Variants in TMEM131 observed in about 807,000 individuals in gnomAD.
TMEM131 encodes transmembrane protein 131, also known as 2610524E03Rik.
In TMEM131, 66 loss-of-function variants were observed where a neutral mutation model predicts 211.6. The observed-to-expected ratio is 0.31, with a 90% confidence interval of 0.26 to 0.38. The LOEUF is 0.38. TMEM131 is among the 10% of genes least tolerant of loss of function. The pLI, the probability that TMEM131 is intolerant of heterozygous loss-of-function variation, is 1.00. For missense variants in TMEM131, 2,036 were observed against 2,299.3 expected (o/e 0.89, Z 2.34); for synonymous variants, 844 against 841.3 (o/e 1.00, Z -0.06).
chr2:97,899,903 A>G (rs931682911), intron 3 of TMEM131, among the ~76,000 whole-genome samples: 2 of 151,874 alleles, frequency 1.3e-5, no homozygotes, highest in African/African-American at 4.8e-5. Context: ...CACAAAATCT[A>G]CTCTCTCAGC....
At chr2:97,878,369 T>C (rs1241958649) in intron 4 of TMEM131, among the ~76,000 whole-genome samples, 1 of 152,210 alleles carries the variant, frequency 6.6e-6, no homozygotes, top group Non-Finnish European at 1.5e-5. Flanking sequence ...CAAAGGACTA[T>C]AAATCATTCT....
At chr2:97,900,268 A>T (rs1042227409) in intron 3 of TMEM131, among the ~76,000 whole-genome samples, 1 of 152,142 alleles carries the variant, frequency 6.6e-6, no homozygotes, top group African/African-American at 2.4e-5. Context: ...ATAAAGTCCA[A>T]AAACTGCTAA....
At chr2:97,829,190 C>A (rs921209327) in intron 11 of TMEM131, among the ~76,000 whole-genome samples, 1 of 152,206 alleles carries the variant, frequency 6.6e-6, no homozygotes, top group Non-Finnish European at 1.5e-5. Flanking sequence ...GGGAAGCCAG[C>A]TGGATTTCCT....
intron 1 of TMEM131, among the ~76,000 whole-genome samples, chr2:97,981,204 A>G (rs1316993256): frequency 2.0e-5 from 3 of 152,094 alleles, no homozygotes; most frequent in African/African-American, 7.2e-5. Context: ...AAGGTGCATA[A>G]TGATCCATTA....
chr2:97,938,703 A>C (rs1382820948), intron 1 of TMEM131, among the ~76,000 whole-genome samples: 1 of 152,148 alleles, frequency 6.6e-6, no homozygotes, highest in African/African-American at 2.4e-5. Flanking sequence ...AGAACTCTCC[A>C]CCCCAAATCA....
At chr2:97,869,586 G>A (rs539939128) in intron 4 of TMEM131, among the ~76,000 whole-genome samples, 1 of 152,204 alleles carries the variant, frequency 6.6e-6, no homozygotes, top group Non-Finnish European at 1.5e-5. Flanking sequence ...GTCGTTGCGT[G>A]CTCAAACAGG....
At chr2:97,818,481 G>GGGGCA in intron 12 of TMEM131, 132 bp downstream of exon 12, 1 of 292,100 alleles carries the variant, frequency 3.4e-6, no homozygotes, top group East Asian at 3.8e-5. Context: ...GGCGGGGGGG[G>GGGGCA]ATCAACCTAA....
intron 1 of TMEM131, among the ~76,000 whole-genome samples, chr2:97,958,600 T>C (rs535070606): frequency 1.4e-4 from 21 of 152,314 alleles, no homozygotes; most frequent in African/African-American, 4.8e-4. Flanking sequence ...CTGCATTTTA[T>C]GATACCCACA....
chr2:97,827,551 T>C, intron 11 of TMEM131: 1 of 996,210 alleles, frequency 1.0e-6, no homozygotes, highest in South Asian at 1.3e-5. Flanking sequence ...GTCTGATTAA[T>C]AACCATATAC....
rs928178138 is a variant in TMEM131, at chr2:97,809,806, T to C, written c.1969-32A>G. 6 of 1,518,454 alleles carry C rather than the reference T, an allele frequency of 4.0e-6. No homozygotes were observed. The African/African-American group carries it at 4.1e-5, about 10-fold the overall frequency. The allele number at this position is 1,518,454 out of a possible 1,614,324, so 94.1% of individuals were successfully genotyped here. ...AGTCAAGAAGATGATGATAGATAAGTAGTTAAGACTTAGCCTGATCTTGAT... is the reference window on the plus strand; with the variant it reads ...AGTCAAGAAGATGATGATAGATAAGCAGTTAAGACTTAGCCTGATCTTGAT... On this transcript the variant is annotated intron_variant, in intron 18 of 40. Coordinates refer to ENST00000186436, the MANE Select transcript of TMEM131 (RefSeq NM_015348.2).
intron 1 of TMEM131, among the ~76,000 whole-genome samples, chr2:97,974,134 GTAGA>G (rs1457922751): frequency 6.6e-6 from 1 of 152,160 alleles, no homozygotes; most frequent in Non-Finnish European, 1.5e-5. Flanking sequence ...AAAAAGTTAA[GTAGA>G]GAGATGGAAG....
chr2:97,927,561 GTTAA>G (rs1480442378), intron 1 of TMEM131, 74 bp from the exon 2 acceptor site: 16 of 1,215,560 alleles, frequency 1.3e-5, no homozygotes, highest in Non-Finnish European at 1.7e-5. Flanking sequence ...TGACTTTAAA[GTTAA>G]TTAATATAAT....
Position 97,797,373 on chromosome 2 carries a change from G to C in TMEM131, c.2862C>G (p.Ile954Met), listed in dbSNP as rs367591541. The change falls in exon 26 of 41, where the codon ATC becomes ATG. Residue 954 changes from isoleucine (I) to methionine (M), a missense_variant. Physicochemically the swap from Ile to Met is conservative, Grantham distance 10 (BLOSUM62 1). Around this residue, in one of 3 missense-constraint regions of TMEM131, gnomAD observed 1,623 missense variants for 1,805.9 expected, o/e 0.90. Transcript: ENST00000186436. ...PVHNRTVSSL[I>M]IVRNNLTVMD... ...TATATCACAGAACCTACCTGACTAT[G>C]ATAAGTGAAGAAACAGTTCTGTTGT... 70 of 1,604,778 alleles carry C rather than the reference G, an allele frequency of 4.4e-5. No individual in the cohort carries two copies. The highest frequency in any genetic ancestry group is 5.9e-5 in the Non-Finnish European group (69 of 1,176,986).
intron 5 of TMEM131, 103 bp from the exon 6 acceptor site, chr2:97,844,364 C>A: frequency 2.6e-6 from 1 of 390,436 alleles, no homozygotes; most frequent in Non-Finnish European, 4.7e-6. Context: ...CTAGTTTTTC[C>A]TTTAAAAGTT....
Position 97,772,266 on chromosome 2 carries a change from CCTTATTTCTCTGTACA to C in TMEM131, c.4448+15_4448+30del. ...TTTTCGCCAGCAACTTCTTTATAGA[CCTTATTTCTCTGTACA>C]CTTATTTCTCTCACCTGGGTTTCAC... On this transcript the variant is annotated intron_variant, in intron 33 of 40. Transcript: ENST00000186436. 3 of 1,585,302 alleles carry C rather than the reference CCTTATTTCTCTGTACA, an allele frequency of 1.9e-6. No homozygotes were observed. The highest frequency in any genetic ancestry group is 1.7e-6 in the Non-Finnish European group (2 of 1,173,152).
At chr2:97,957,308 A>C (rs1309197395) in intron 1 of TMEM131, among the ~76,000 whole-genome samples, 1 of 152,212 alleles carries the variant, frequency 6.6e-6, no homozygotes, top group Non-Finnish European at 1.5e-5. Flanking sequence ...GATTTACATA[A>C]ACTAAATTTT....
chr2:97,849,574 A>T (rs974862340), intron 5 of TMEM131, among the ~76,000 whole-genome samples: 5 of 152,106 alleles, frequency 3.3e-5, no homozygotes, highest in African/African-American at 1.2e-4. Context: ...GTTTGTCAAA[A>T]CTCAGAACTA....
chr2:97,811,491 G>A (rs1216209968), intron 17 of TMEM131, among the ~76,000 whole-genome samples: 1 of 152,104 alleles, frequency 6.6e-6, no homozygotes, highest in African/African-American at 2.4e-5. Context: ...TGCTAATAAA[G>A]CTCCTCACTC....
At chr2:97,886,878 T>C (rs935269597) in intron 4 of TMEM131, among the ~76,000 whole-genome samples, 3 of 152,232 alleles carry the variant, frequency 2.0e-5, no homozygotes, top group African/African-American at 7.2e-5. Context: ...AACTTTCTTT[T>C]GACTCAGCAA....
Sources: gnomAD v4.1 joint callset for allele counts (sites outside exome capture counted in the v4.1 genomes callset) on GRCh38, gnomAD v4.1.1 for gene constraint, gnomAD v4.1.1 regional missense constraint, MANE v1.5 for transcripts, NCBI Gene and HGNC (gene_info 2026-07-23, HGNC 2026-07-21) for gene names.